SORBS2: variants seen among roughly 807,000 people sequenced by gnomAD.
SORBS2 encodes sorbin and SH3 domain containing 2, also known as sorbin and SH3 domain-containing protein 2.
SORBS2 carries 46 observed loss-of-function variants against 97.7 expected under a neutral mutation model. That is an observed-to-expected ratio of 0.47 (90% CI 0.37 to 0.60). The LOEUF is 0.60. SORBS2 is among the 20% of genes least tolerant of loss of function. The probability of loss-of-function intolerance (pLI) is 0.00; values close to 1 mark genes in which losing one functional copy is unlikely to be tolerated. For synonymous variants in SORBS2, 476 were observed against 473.4 expected, an observed-to-expected ratio of 1.01 and a Z score of -0.07; for missense variants, 1,316 against 1,282.3, an observed-to-expected ratio of 1.03 and a Z score of -0.40.
intron 4 of SORBS2, among the ~76,000 whole-genome samples, chr4:185,639,884 T>C (rs752258201): frequency 2.6e-5 from 4 of 152,266 alleles, no homozygotes; most frequent in East Asian, 1.9e-4. Flanking sequence ...TAGCGACATC[T>C]TGGTTGTGAA....
At chr4:185,707,004 A>G (rs10017891) in intron 2 of SORBS2, among the ~76,000 whole-genome samples, 91,382 of 152,074 alleles carry the variant, frequency 0.6, 30,823 homozygotes, top group Non-Finnish European at 0.75. Context: ...TTTTCTTGTG[A>G]ATTAACTGCT....
At chr4:185,719,451 C>G (rs2098493910) in intron 2 of SORBS2, among the ~76,000 whole-genome samples, 1 of 152,206 alleles carries the variant, frequency 6.6e-6, no homozygotes, top group African/African-American at 2.4e-5. Context: ...TATAGAGTAA[C>G]AGTTATAAGG....
chr4:185,867,482 C>A (rs1002075863), intron 1 of SORBS2, among the ~76,000 whole-genome samples: 12 of 152,168 alleles, frequency 7.9e-5, no homozygotes, highest in African/African-American at 2.9e-4. Flanking sequence ...GTCATGTCTG[C>A]AAGATCTATG....
chr4:185,638,675 G>A (rs1015318869), intron 4 of SORBS2, among the ~76,000 whole-genome samples: 1 of 151,468 alleles, frequency 6.6e-6, no homozygotes, highest in Non-Finnish European at 1.5e-5. Context: ...AAGGGTGCGG[G>A]AGGGGTGGGA....
intron 1 of SORBS2, among the ~76,000 whole-genome samples, chr4:185,943,738 C>T (rs968535998): frequency 3.3e-5 from 5 of 152,040 alleles, no homozygotes; most frequent in Non-Finnish European, 7.4e-5. Context: ...GTGAAATGGA[C>T]GTTAGGTTAT....
intron 2 of SORBS2, among the ~76,000 whole-genome samples, chr4:185,746,652 T>A (rs1225366447): frequency 6.6e-6 from 1 of 152,026 alleles, no homozygotes; most frequent in African/African-American, 2.4e-5. Flanking sequence ...GGGAATGGAG[T>A]TAGCAGTCCC....
At chr4:185,685,202 T>G (rs1425993062) in intron 2 of SORBS2, among the ~76,000 whole-genome samples, 1 of 152,250 alleles carries the variant, frequency 6.6e-6, no homozygotes, top group Non-Finnish European at 1.5e-5. Flanking sequence ...GCACTGGATC[T>G]GGCTTTTAGA....
intron 1 of SORBS2, among the ~76,000 whole-genome samples, chr4:185,917,837 G>A (rs1579488616): frequency 6.6e-6 from 1 of 152,132 alleles, no homozygotes; most frequent in African/African-American, 2.4e-5. Context: ...CTGACATTTG[G>A]TCACTGAAGT....
chr4:185,658,300 A>G (rs1015581576), upstream of SORBS2, among the ~76,000 whole-genome samples: 15 of 152,352 alleles, frequency 9.8e-5, no homozygotes, highest in African/African-American at 3.6e-4. Flanking sequence ...GATATAATTT[A>G]GATGAGGCTT....
At chr4:185,587,713 A>AG (rs755729058) in intron 14 of SORBS2, 25 bp from the exon 27 acceptor site, 48 of 1,581,750 alleles carry the variant, frequency 3.0e-5, no homozygotes, top group Admixed American at 3.4e-5. Context: ...GAGTCATGAA[A>AG]GGGGGGTGAC....
chr4:185,719,521 G>C (rs1202041508), intron 2 of SORBS2, among the ~76,000 whole-genome samples: 1 of 152,112 alleles, frequency 6.6e-6, no homozygotes. Flanking sequence ...ACTGAATGTG[G>C]GGAAAAGGCA....
intron 1 of SORBS2, among the ~76,000 whole-genome samples, chr4:185,928,359 C>T (rs1189205983): frequency 6.6e-6 from 1 of 152,180 alleles, no homozygotes; most frequent in East Asian, 1.9e-4. Context: ...AGCTATGACC[C>T]TGTTGTTGCA....
chr4:185,870,150 T>G (rs2099229591), intron 1 of SORBS2, among the ~76,000 whole-genome samples: 1 of 152,244 alleles, frequency 6.6e-6, no homozygotes, highest in African/African-American at 2.4e-5. Flanking sequence ...TGCTCTAAAC[T>G]TCTGCTTTTA....
intron 2 of SORBS2, among the ~76,000 whole-genome samples, chr4:185,713,920 C>T (rs1237008103): frequency 6.6e-6 from 1 of 152,152 alleles, no homozygotes; most frequent in Non-Finnish European, 1.5e-5. Context: ...GGACTCTGAC[C>T]ATTAGCATTG....
chr4:185,826,494 G>A (rs569609834), intron 1 of SORBS2, among the ~76,000 whole-genome samples: 3 of 152,080 alleles, frequency 2.0e-5, no homozygotes, highest in African/African-American at 4.8e-5. Context: ...AGTCATCCTA[G>A]TCTCTAAACA....
chr4:185,679,651 T>C (rs937470145), intron 2 of SORBS2, among the ~76,000 whole-genome samples: 17 of 152,216 alleles, frequency 1.1e-4, no homozygotes, highest in Non-Finnish European at 4.4e-5. Flanking sequence ...CTTAGATTCA[T>C]TAAGCTTTAA....
intron 2 of SORBS2, among the ~76,000 whole-genome samples, chr4:185,718,937 T>G (rs1251973062): frequency 6.6e-6 from 1 of 152,250 alleles, no homozygotes; most frequent in African/African-American, 2.4e-5. Flanking sequence ...ACCTGTCATG[T>G]GGAAACTCAG....
intron 2 of SORBS2, among the ~76,000 whole-genome samples, chr4:185,711,544 A>G (rs12646619): frequency 0.2 from 29,878 of 152,110 alleles, 3,127 homozygotes; most frequent in Non-Finnish European, 0.24. Flanking sequence ...CTGCAGTGTA[A>G]GTGAAGCTAA....
chr4:185,813,000 C>T (rs2099189418), intron 1 of SORBS2: 2 of 152,156 alleles, frequency 1.3e-5, no homozygotes, highest in South Asian at 2.1e-4. Context: ...ACATTCCACC[C>T]GTCCATAACA....
Sources: allele counts gnomAD v4.1 joint callset (sites outside exome capture counted in the v4.1 genomes callset), GRCh38; gene constraint gnomAD v4.1.1; transcripts MANE v1.5; gene names NCBI Gene and HGNC (gene_info 2026-07-23, HGNC 2026-07-21).